Variants in DOCK8 observed in about 807,000 individuals in gnomAD.
The protein encoded by DOCK8 is dedicator of cytokinesis 8, also known as dedicator of cytokinesis protein 8.
A neutral mutation model predicts 245.6 loss-of-function variants in DOCK8; 141 were observed. That is an observed-to-expected ratio of 0.57 (90% CI 0.50 to 0.66). The LOEUF (loss-of-function observed/expected upper bound fraction) is 0.66, where lower values mean the gene tolerates loss of function less well. Ranked by LOEUF, DOCK8 falls within the 30% of genes least tolerant of loss-of-function variation. The pLI, the probability that DOCK8 is intolerant of heterozygous loss-of-function variation, is 0.00. For missense variants in DOCK8, 2,965 were observed against 2,603.4 expected (o/e 1.14, Z -3.02); for synonymous variants, 1,168 against 970.2 (o/e 1.20, Z -3.79).
chr9:384,184 G>A (rs1019486345), intron 22 of DOCK8, among the ~76,000 whole-genome samples: 3 of 152,034 alleles, frequency 2.0e-5, no homozygotes, highest in African/African-American at 7.3e-5. Flanking sequence ...TCTCTCATTA[G>A]GAATTTTTTA....
At chr9:324,905 T>G (rs765340076) in intron 7 of DOCK8, among the ~76,000 whole-genome samples, 1 of 152,144 alleles carries the variant, frequency 6.6e-6, no homozygotes, top group Non-Finnish European at 1.5e-5. Flanking sequence ...AGTTTGAGAT[T>G]TTAGTGCACC....
At chr9:289,668 C>A in intron 4 of DOCK8, 87 bp downstream of exon 4, 2 of 1,251,824 alleles carry the variant, frequency 1.6e-6, no homozygotes, top group South Asian at 1.4e-5. Flanking sequence ...TTGAACAGTT[C>A]TAGGTTTACA....
chr9:422,671 A>G (rs2056322737), intron 33 of DOCK8, among the ~76,000 whole-genome samples: 1 of 152,244 alleles, frequency 6.6e-6, no homozygotes, highest in South Asian at 2.1e-4. Flanking sequence ...ACATAATGTT[A>G]AATGAACAAA....
intron 1 of DOCK8, among the ~76,000 whole-genome samples, chr9:243,991 T>C (rs1247740628): frequency 1.3e-5 from 2 of 151,938 alleles, no homozygotes; most frequent in African/African-American, 2.4e-5. Flanking sequence ...GAGACCATCC[T>C]GGCTAACATG....
At chr9:340,391 CAGG>C (rs1356067990) in intron 14 of DOCK8, 70 bp downstream of exon 14, 2 of 1,590,996 alleles carry the variant, frequency 1.3e-6, no homozygotes, top group African/African-American at 2.7e-5. Flanking sequence ...GAGGCCGAGG[CAGG>C]AGGATTGCTT....
In DOCK8 at chr9:358,583, T is replaced by C. The variant is rs148503067; in HGVS notation, c.1680-9435T>C. ...TTACCTGCAGGCCAGGTGCGGTGGCTCATGCCTGTAATCCCAACAGTTTGG... is the reference window on the plus strand; with the variant it reads ...TTACCTGCAGGCCAGGTGCGGTGGCCCATGCCTGTAATCCCAACAGTTTGG... On this transcript the variant is annotated intron_variant, in intron 14 of 47. Transcript: ENST00000432829. Among the ~76,000 whole-genome samples, 9 of 151,946 alleles carry C rather than the reference T, an allele frequency of 5.9e-5. No homozygotes were observed. In the East Asian group the frequency reaches 1.7e-3, roughly 29 times the overall value.
chr9:387,073 C>T (rs777531379), intron 23 of DOCK8, among the ~76,000 whole-genome samples: 5 of 152,180 alleles, frequency 3.3e-5, no homozygotes, highest in Admixed American at 1.3e-4. Flanking sequence ...GCCCTAATTT[C>T]CTCTCTTCTA....
intron 1 of DOCK8, among the ~76,000 whole-genome samples, chr9:244,001 G>T (rs931406506): frequency 1.4e-4 from 21 of 151,892 alleles, no homozygotes; most frequent in Non-Finnish European, 2.5e-4. Flanking sequence ...TGGCTAACAT[G>T]GTGAAACCCC....
In DOCK8 at chr9:386,386, C is replaced by G; in HGVS notation, c.2834C>G (p.Ala945Gly). ...TACTATTGCTCTGGCAGTAGTGATG[C>G]TCCAAGTTCACCTGCAGCCCCAAGG... ...MSYYCSGSSD[A>G]PSSPAAPRPA... Residue 945 changes from alanine to glycine, a missense_variant, in exon 23 of 48, where the codon GCT becomes GGT. Ala to Gly is a moderately conservative substitution (Grantham distance 60). This residue lies in a region of DOCK8 where 2,825 missense variants were observed against 2,453.5 expected (regional missense o/e 1.15). Transcript: ENST00000432829. 1 of 1,613,924 alleles carries G rather than the reference C, an allele frequency of 6.2e-7. No homozygotes were observed. Among genetic ancestry groups the G allele is most frequent in the Non-Finnish European group, 8.5e-7 (1 of 1,179,872 alleles).
chr9:243,605 A>C (rs1305509702), intron 1 of DOCK8, among the ~76,000 whole-genome samples: 2 of 152,158 alleles, frequency 1.3e-5, no homozygotes, highest in Admixed American at 6.5e-5. Context: ...CAGGATTTCC[A>C]GGGGGCTCCA....
chr9:336,386 C>T (rs1047298774), intron 11 of DOCK8, among the ~76,000 whole-genome samples, 196 bp from the exon 12 acceptor site: 2 of 152,084 alleles, frequency 1.3e-5, no homozygotes, highest in East Asian at 1.9e-4. Flanking sequence ...CTCCTCTGGT[C>T]GGAGGAGGAT....
chr9:377,801 G>C (rs2131268533), intron 20 of DOCK8, among the ~76,000 whole-genome samples: 1 of 152,222 alleles, frequency 6.6e-6, no homozygotes, highest in African/African-American at 2.4e-5. Flanking sequence ...CTCTCTTACA[G>C]TCTATTTTAA....
At position 439,429 on chromosome 9, in the gene DOCK8, C is replaced by T. The variant is rs2057015358; in HGVS notation, c.5223+41C>T. 5.0e-6 allele frequency: 8 copies of T among 1,607,558 alleles called. No homozygotes were observed. The South Asian group carries it at 5.5e-5, about 11-fold the overall frequency. On this transcript the variant is annotated intron_variant, in intron 40 of 47. Transcript: ENST00000432829. Reference sequence around the variant, plus strand: ...GCATCCCGGGGCCTGGCCTCCCATACTCCAGCTGGACTTGGGGTGCTGGGA... The same window carrying T: ...GCATCCCGGGGCCTGGCCTCCCATATTCCAGCTGGACTTGGGGTGCTGGGA...
intron 4 of DOCK8, 108 bp from the exon 5 acceptor site, chr9:304,473 T>C: frequency 1.2e-5 from 17 of 1,441,538 alleles, no homozygotes; most frequent in Non-Finnish European, 1.4e-5. Flanking sequence ...CTTTGAAAGC[T>C]CTCTCAGCAC....
chr9:400,947 T>TCACCACCACCTCCTCCACCATCAC (rs2055016941), intron 26 of DOCK8, among the ~76,000 whole-genome samples: 1 of 28,554 alleles, frequency 3.5e-5, no homozygotes, highest in Non-Finnish European at 5.2e-5. Flanking sequence ...ACCACCACCA[T>TCACCACCACCTCCTCCACCATCAC]CACCACCACC....
intron 14 of DOCK8, among the ~76,000 whole-genome samples, chr9:341,458 A>G (rs963952546): frequency 6.6e-6 from 1 of 152,210 alleles, no homozygotes; most frequent in Admixed American, 6.5e-5. Flanking sequence ...CCATCCAGAA[A>G]TGACATTGTT....
At chr9:283,554 C>G (rs923812640) in intron 2 of DOCK8, among the ~76,000 whole-genome samples, 3 of 152,104 alleles carry the variant, frequency 2.0e-5, no homozygotes, top group South Asian at 2.1e-4. Flanking sequence ...CCCCTCCCAT[C>G]TTCCCACCTC....
At chr9:345,184 A>G (rs7046413) in intron 14 of DOCK8, among the ~76,000 whole-genome samples, 84,326 of 152,028 alleles carry the variant, frequency 0.55, 24,282 homozygotes, top group East Asian at 0.74. Flanking sequence ...ATGCCAATCA[A>G]TAATCCTGAT....
Position 292,870 on chromosome 9 carries a change from A to T in DOCK8, c.404+3289A>T, listed in dbSNP as rs1016264696. On this transcript the variant is annotated intron_variant, in intron 4 of 47. Transcript: ENST00000432829. ...TTTTCTAAGAGTATGGGATTAAAGC[A>T]TTAATCCAGATCATTAGCCACTTGA... is the stretch of plus-strand genomic sequence containing the variant. 4.6e-5 allele frequency among the ~76,000 whole-genome samples: 7 copies of T among 152,204 alleles called. No homozygotes were observed. In the East Asian group the frequency reaches 5.8e-4, roughly 13 times the overall value.
Sources: allele counts gnomAD v4.1 joint callset (sites outside exome capture counted in the v4.1 genomes callset), GRCh38; gene constraint gnomAD v4.1.1; regional missense constraint gnomAD v4.1.1; transcripts MANE v1.5; gene names NCBI Gene and HGNC (gene_info 2026-07-23, HGNC 2026-07-21).